DPP6: variants seen among roughly 807,000 people sequenced by gnomAD.
DPP6 encodes the protein dipeptidyl peptidase like 6.
Under a neutral mutation model 122.6 loss-of-function variants are expected in DPP6, and 69 were observed. The ratio of observed to expected loss-of-function variants is 0.56; its 90% CI spans 0.46 to 0.69. The LOEUF is 0.69. Among genes scored for constraint, DPP6 ranks in the 30% least tolerant of loss-of-function variants. DPP6 has a pLI of 0.00. For synonymous variants in DPP6, 418 were observed against 433.1 expected (o/e 0.97, Z 0.43); for missense variants, 928 against 1,116.9 (o/e 0.83, Z 2.41).
chr7:154,810,619 A>T (rs1050841374), intron 16 of DPP6, among the ~76,000 whole-genome samples: 1 of 152,220 alleles, frequency 6.6e-6, no homozygotes, highest in Non-Finnish European at 1.5e-5. Context: ...GGAGGAAAAC[A>T]GAAGCAAAGA....
At chr7:154,072,487 A>G (rs200807124) in intron 1 of DPP6, among the ~76,000 whole-genome samples, 1,370 of 128,020 alleles carry the variant, frequency 0.011, no homozygotes, top group East Asian at 0.034. Context: ...CTGATTGTGC[A>G]TTTGTAATGC....
At chr7:153,911,280 C>T (rs991961647) in intron 1 of DPP6, among the ~76,000 whole-genome samples, 1 of 152,190 alleles carries the variant, frequency 6.6e-6, no homozygotes, top group Non-Finnish European at 1.5e-5. Context: ...ATGCTCAAAT[C>T]GTTGTCCACA....
intron 1 of DPP6, among the ~76,000 whole-genome samples, chr7:154,385,428 G>A (rs975527258): frequency 2.6e-5 from 4 of 152,124 alleles, no homozygotes; most frequent in Admixed American, 1.3e-4. Flanking sequence ...ATCAGATTCC[G>A]CCTCCACAGT....
chr7:153,899,071 G>T (rs527493469), intron 1 of DPP6, among the ~76,000 whole-genome samples: 18 of 152,166 alleles, frequency 1.2e-4, no homozygotes, highest in Middle Eastern at 3.4e-3. Context: ...GAAAACAAAT[G>T]CCCTCCTGTA....
chr7:154,323,046 G>A (rs1488408180), intron 1 of DPP6, among the ~76,000 whole-genome samples: 2 of 151,458 alleles, frequency 1.3e-5, no homozygotes, highest in Non-Finnish European at 2.9e-5. Flanking sequence ...AGAAGAGAGT[G>A]AGCTCATTAG....
intron 1 of DPP6, among the ~76,000 whole-genome samples, chr7:154,330,113 A>G (rs1355338050): frequency 1.3e-5 from 2 of 152,186 alleles, no homozygotes; most frequent in Non-Finnish European, 1.5e-5. Flanking sequence ...ATGGGTTGAT[A>G]GGTGCAGCAA....
At chr7:153,864,932 G>C in the DPP6 span, among the ~76,000 whole-genome samples, 2 of 152,066 alleles carry the variant, frequency 1.3e-5, no homozygotes, top group Non-Finnish European at 2.9e-5. Flanking sequence ...CCAGGGAGAA[G>C]ACAGGAGATC....
chr7:154,399,760 G>C (rs1280519948), intron 1 of DPP6, among the ~76,000 whole-genome samples: 1 of 152,214 alleles, frequency 6.6e-6, no homozygotes, highest in Non-Finnish European at 1.5e-5. Flanking sequence ...GGACCCATCA[G>C]TTGGTGCCTT....
chr7:154,058,479 G>A (rs1420452263), intron 1 of DPP6: 2 of 137,948 alleles, frequency 1.4e-5, no homozygotes, highest in South Asian at 2.5e-4. Flanking sequence ...CCATCGTAGG[G>A]GGGGGGAGGC....
At chr7:154,803,292 CGTTACCATTGTCT>C (rs1798491354) in intron 13 of DPP6, among the ~76,000 whole-genome samples, 1 of 152,198 alleles carries the variant, frequency 6.6e-6, no homozygotes. Flanking sequence ...TACCATTGGT[CGTTACCATTGTCT>C]GTTACCATTC....
At chr7:153,935,716 C>T (rs958228099) in intron 1 of DPP6, among the ~76,000 whole-genome samples, 1 of 152,226 alleles carries the variant, frequency 6.6e-6, no homozygotes, top group African/African-American at 2.4e-5. Context: ...CCTGGGCTCA[C>T]AGCCTGGCTC....
intron 1 of DPP6, among the ~76,000 whole-genome samples, chr7:154,444,820 A>G (rs1000273814): frequency 9.2e-5 from 14 of 152,270 alleles, no homozygotes; most frequent in Non-Finnish European, 1.5e-5. Flanking sequence ...AGAAAATACT[A>G]CCTAATAGGA....
chr7:153,777,777 T>A, the DPP6 span, among the ~76,000 whole-genome samples: 3 of 129,704 alleles, frequency 2.3e-5, no homozygotes. Flanking sequence ...ACAAAGGAAT[T>A]TCTGGGGTGA....
chr7:154,688,426 A>G (rs1839751828), intron 7 of DPP6, among the ~76,000 whole-genome samples: 1 of 152,186 alleles, frequency 6.6e-6, no homozygotes, highest in African/African-American at 2.4e-5. Context: ...TCTTCTTTGG[A>G]TATTTTTGGT....
In DPP6 at chr7:154,711,714, C is replaced by G. The variant is rs146916065; in HGVS notation, c.763-16053C>G. 1.2e-4 allele frequency among the ~76,000 whole-genome samples: 18 copies of G among 152,238 alleles called. No individual in the cohort carries two copies. In the East Asian group the frequency reaches 1.7e-3, roughly 15 times the overall value. On this transcript the variant is annotated intron_variant, in intron 7 of 25. Coordinates refer to ENST00000377770, the MANE Select transcript of DPP6 (RefSeq NM_130797.4). Reference sequence around the variant, plus strand: ...TGCTATCATTTTGTCAAATACTGAGCTATGCAACATGTTTCCCTTTTGGCC... The same window carrying G: ...TGCTATCATTTTGTCAAATACTGAGGTATGCAACATGTTTCCCTTTTGGCC...
chr7:154,189,861 C>T (rs1798529453), intron 1 of DPP6, among the ~76,000 whole-genome samples: 1 of 152,166 alleles, frequency 6.6e-6, no homozygotes, highest in Admixed American at 6.5e-5. Flanking sequence ...AATTTAATTT[C>T]TCAAAGCTTT....
chr7:154,510,155 A>G (rs75748297), intron 3 of DPP6, among the ~76,000 whole-genome samples: 2,051 of 152,292 alleles, frequency 0.013, 41 homozygotes, highest in African/African-American at 0.046. Context: ...TTAATAAGAT[A>G]CTGGCCTACC....
At chr7:154,008,907 C>T (rs923734284) in intron 1 of DPP6, among the ~76,000 whole-genome samples, 5 of 149,454 alleles carry the variant, frequency 3.3e-5, no homozygotes, top group African/African-American at 4.9e-5. Flanking sequence ...CCTCGTGATC[C>T]GCCCGCCTCG....
At position 154,833,396 on chromosome 7, in the gene DPP6, C is replaced by G. The variant is rs1800786850; in HGVS notation, c.1667-20384C>G. Among the ~76,000 whole-genome samples, 1 of 152,210 alleles carries G rather than the reference C, an allele frequency of 6.6e-6. No individual in the cohort carries two copies. Among genetic ancestry groups the G allele is most frequent in the African/African-American group, 2.4e-5 (1 of 41,448 alleles). On this transcript the variant is annotated intron_variant, in intron 16 of 25. Coordinates refer to ENST00000377770, the MANE Select transcript of DPP6 (RefSeq NM_130797.4). This position sits in a 1 kb window ranked among gnomAD's most constrained non-coding sequence, Gnocchi z 4.3. ...TGGGGTGTGGGGAGGAAAAGGCAGA[C>G]AACCCCTCATCGAGAAGGAGCAAGA...
Sources: allele counts gnomAD v4.1 joint callset (sites outside exome capture counted in the v4.1 genomes callset), GRCh38; gene constraint gnomAD v4.1.1; non-coding constraint Gnocchi (gnomAD v3.1); transcripts MANE v1.5; gene names NCBI Gene and HGNC (gene_info 2026-07-23, HGNC 2026-07-21).